TEX36: variants seen among roughly 807,000 people sequenced by gnomAD.
TEX36 encodes testis expressed 36.
In TEX36, 12 loss-of-function variants were observed where a neutral mutation model predicts 13.6. That is an observed-to-expected ratio of 0.88 (90% CI 0.56 to 1.43). The LOEUF is 1.43. TEX36 is among the 40% of genes most tolerant of loss of function. The probability of loss-of-function intolerance (pLI) is 0.00; values close to 1 mark genes in which losing one functional copy is unlikely to be tolerated. For missense variants in TEX36, 224 were observed against 228.3 expected (o/e 0.98, Z 0.12); for synonymous variants, 93 against 83.0 (o/e 1.12, Z -0.65).
At chr10:125,641,984 C>T (rs904790962) in intron 3 of TEX36, among the ~76,000 whole-genome samples, 2 of 152,164 alleles carry the variant, frequency 1.3e-5, no homozygotes, top group African/African-American at 4.8e-5. Flanking sequence ...GGTAAATATA[C>T]CCTTCCCACT....
At chr10:125,610,785 A>C (rs949066461) in intron 3 of TEX36, among the ~76,000 whole-genome samples, 38 of 152,070 alleles carry the variant, frequency 2.5e-4, no homozygotes, top group African/African-American at 8.9e-4. Flanking sequence ...TTCTTCTAAA[A>C]GTTTTTAGTT....
chr10:125,657,406 G>C (rs1488659922), intron 3 of TEX36, among the ~76,000 whole-genome samples: 1 of 152,306 alleles, frequency 6.6e-6, no homozygotes, highest in East Asian at 1.9e-4. Flanking sequence ...GAGAAGAGGA[G>C]AGTGGGACTG....
chr10:125,576,916 T>C, intron 3 of TEX36: 1 of 1,535,350 alleles, frequency 6.5e-7, no homozygotes, highest in African/African-American at 1.4e-5. Context: ...AGTAGTTGTG[T>C]GCTTAAATCC....
rs1487926876 is a variant in TEX36 at position 125,673,097 on chromosome 10, CTT to C, written c.51+9840_51+9841del. On this transcript the variant is annotated intron_variant, in intron 1 of 3. Transcript: ENST00000368821. ...CTTTATCCAGCTGTCCATTCTGTGTCTTTTAATTGAGGCATTTAGCCCATTTA... is the reference window on the plus strand; with the variant it reads ...CTTTATCCAGCTGTCCATTCTGTGTCTTAATTGAGGCATTTAGCCCATTTA... Among the ~76,000 whole-genome samples, 7 of 152,194 alleles carry C rather than the reference CTT, an allele frequency of 4.6e-5. No homozygotes were observed. In the East Asian group the frequency reaches 1.3e-3, roughly 29 times the overall value.
At chr10:125,645,523 G>A (rs542912790) in intron 3 of TEX36, among the ~76,000 whole-genome samples, 3 of 152,224 alleles carry the variant, frequency 2.0e-5, no homozygotes, top group East Asian at 3.9e-4. Flanking sequence ...CTCACCAGAC[G>A]CAGCCCCTTG....
At position 125,677,754 on chromosome 10, in the gene TEX36, T is replaced by C. The variant is rs189375006; in HGVS notation, c.51+5185A>G. Among the ~76,000 whole-genome samples, 470 of 152,314 alleles carry C rather than the reference T, an allele frequency of 3.1e-3. 6 individuals carry two copies. Among genetic ancestry groups the C allele is most frequent in the African/African-American group, 0.011 (446 of 41,568 alleles). On this transcript the variant is annotated intron_variant, in intron 1 of 3. Transcript: ENST00000368821. ...TGAAGTGCAGTGGTGCGATCTTGGC[T>C]CACTGCAACCTCCGCCACCCAGACT...
At chr10:125,618,771 T>C (rs1846389406), downstream of TEX36, among the ~76,000 whole-genome samples, 1 of 151,802 alleles carries the variant, frequency 6.6e-6, no homozygotes, top group South Asian at 2.1e-4. Flanking sequence ...CAAGGGATAC[T>C]TAAACACTGA....
At chr10:125,592,253 G>A (rs1191890278) in intron 3 of TEX36, among the ~76,000 whole-genome samples, 1 of 152,106 alleles carries the variant, frequency 6.6e-6, no homozygotes, top group Non-Finnish European at 1.5e-5. Flanking sequence ...AGCGAGGCTG[G>A]GGGTGGCAAG....
intron 3 of TEX36, among the ~76,000 whole-genome samples, chr10:125,635,861 A>G (rs958040448): frequency 4.0e-5 from 6 of 151,714 alleles, no homozygotes; most frequent in Non-Finnish European, 7.4e-5. Context: ...GGGCAGCCTG[A>G]ATTTCTAGGA....
At chr10:125,653,023 T>G (rs1846884230), downstream of TEX36, among the ~76,000 whole-genome samples, 1 of 152,158 alleles carries the variant, frequency 6.6e-6, no homozygotes, top group African/African-American at 2.4e-5. Flanking sequence ...ATAGGAACAC[T>G]TTTACACTGT....
At chr10:125,655,489 T>C (rs1351085819), downstream of TEX36, among the ~76,000 whole-genome samples, 1 of 152,152 alleles carries the variant, frequency 6.6e-6, no homozygotes, top group African/African-American at 2.4e-5. Context: ...TGTAACATAG[T>C]AATGTTGAAA....
chr10:125,654,317 CATAGAATATCAAAATAGCCA>C (rs1483683066), downstream of TEX36, among the ~76,000 whole-genome samples: 5 of 151,980 alleles, frequency 3.3e-5, no homozygotes, highest in African/African-American at 4.8e-5. Flanking sequence ...TCAAAATAGC[CATAGAATATCAAAATAGCCA>C]ATAGAATATC....
intron 3 of TEX36, among the ~76,000 whole-genome samples, chr10:125,608,715 G>A (rs183065533): frequency 4.0e-4 from 61 of 152,288 alleles, no homozygotes; most frequent in African/African-American, 1.1e-3. Context: ...AGAAGTTAGC[G>A]CCATAGACAA....
At chr10:125,622,707 C>T (rs11244583) in intron 3 of TEX36, among the ~76,000 whole-genome samples, 7,535 of 152,272 alleles carry the variant, frequency 0.049, 208 homozygotes, top group East Asian at 0.085. Flanking sequence ...TACTAAGAGA[C>T]GCCCAGAGGG....
chr10:125,661,613 G>A (rs111451019), intron 2 of TEX36, among the ~76,000 whole-genome samples: 1,799 of 152,280 alleles, frequency 0.012, 34 homozygotes, highest in African/African-American at 0.041. Flanking sequence ...GGGCTGGAAG[G>A]GGGTGTTGCT....
intron 3 of TEX36, among the ~76,000 whole-genome samples, chr10:125,645,764 T>A (rs944006334): frequency 2.0e-5 from 3 of 152,084 alleles, no homozygotes; most frequent in African/African-American, 7.3e-5. Flanking sequence ...TTCTGTAGAA[T>A]TTTTTTGCAA....
rs528688637 is a variant in TEX36, at chr10:125,591,179, C to T, written c.265-14305G>A. ...ATCCATTTCATTTGGAATTTGAGAA[C>T]GAAAAAGTGAGTTACTAAAGGTAAA... is the stretch of plus-strand genomic sequence containing the variant. On this transcript the variant is annotated intron_variant, in intron 3 of 3. Transcript: ENST00000532135. 5.9e-5 allele frequency among the ~76,000 whole-genome samples: 9 copies of T among 152,164 alleles called. 1 individual carries two copies. Among genetic ancestry groups the T allele is most frequent in the South Asian group, 4.1e-4 (2 of 4,826 alleles).
chr10:125,612,013 T>C (rs1846295464), intron 3 of TEX36, among the ~76,000 whole-genome samples: 1 of 152,084 alleles, frequency 6.6e-6, no homozygotes, highest in South Asian at 2.1e-4. Flanking sequence ...TACTGTAGCA[T>C]GCGAGCCTCA....
intron 1 of TEX36, among the ~76,000 whole-genome samples, chr10:125,682,714 G>A (rs909771737): frequency 3.3e-5 from 5 of 152,222 alleles, no homozygotes; most frequent in Non-Finnish European, 7.3e-5. Flanking sequence ...GGACATTCAC[G>A]AGGTTCCAGT....
Sources: gnomAD v4.1 joint callset for allele counts (sites outside exome capture counted in the v4.1 genomes callset) on GRCh38, gnomAD v4.1.1 for gene constraint, MANE v1.5 for transcripts, NCBI Gene and HGNC (gene_info 2026-07-23, HGNC 2026-07-21) for gene names.